DPYSL5: variants seen among roughly 807,000 people sequenced by gnomAD.
The protein encoded by DPYSL5 is dihydropyrimidinase like 5, also known as dihydropyrimidinase-related protein 5.
In DPYSL5, 9 loss-of-function variants were observed where a neutral mutation model predicts 58.4. The ratio of observed to expected loss-of-function variants is 0.15; its 90% CI spans 0.09 to 0.27. The LOEUF is 0.27. DPYSL5 is among the 10% of genes least tolerant of loss of function. The pLI is 1.00. For missense variants in DPYSL5, 499 were observed against 770.6 expected, an observed-to-expected ratio of 0.65 and a Z score of 4.17; for synonymous variants, 293 against 301.9, an observed-to-expected ratio of 0.97 and a Z score of 0.31.
At chr2:26,939,705 A>G (rs1422413669) in intron 8 of DPYSL5, 2 of 268,026 alleles carry the variant, frequency 7.5e-6, no homozygotes, top group South Asian at 5.5e-5. Flanking sequence ...CCATGAGAGT[A>G]GAACTACCTC....
At chr2:26,857,489 G>A (rs58323894) in intron 1 of DPYSL5, among the ~76,000 whole-genome samples, 2,398 of 151,682 alleles carry the variant, frequency 0.016, 69 homozygotes, top group African/African-American at 0.055. Flanking sequence ...GCAGTGAGCC[G>A]AGATTGCTCC....
intron 1 of DPYSL5, among the ~76,000 whole-genome samples, chr2:26,858,713 G>A (rs1665939333): frequency 6.7e-6 from 1 of 149,764 alleles, no homozygotes; most frequent in African/African-American, 2.5e-5. Flanking sequence ...ACAGGTGCAG[G>A]TGGATGCCAC....
At chr2:26,922,292 C>T (rs1353232317) in intron 2 of DPYSL5, among the ~76,000 whole-genome samples, 6 of 152,172 alleles carry the variant, frequency 3.9e-5, no homozygotes, top group Admixed American at 2.6e-4. Flanking sequence ...TCAGGATAGG[C>T]GCGTGTGGGC....
chr2:26,907,334 GA>G (rs1664321953), intron 2 of DPYSL5, among the ~76,000 whole-genome samples: 1 of 151,798 alleles, frequency 6.6e-6, no homozygotes, highest in East Asian at 1.9e-4. Flanking sequence ...GGCTAGTCTC[GA>G]ACTCCTGACC....
chr2:26,928,290 C>T lies in DPYSL5; in HGVS notation c.636C>T (p.Gly212=), dbSNP rs138085034. Residue 212 remains glycine, a synonymous_variant, in exon 5 of 13, where the codon GGC becomes GGT. Coordinates refer to ENST00000288699, the MANE Select transcript of DPYSL5 (RefSeq NM_020134.4). ...AGGCACTGGATTTGGGGATCACAGG[C>T]CCAGAAGGAATCGAGATCAGCCGTC... ...AKEALDLGIT[G]PEGIEISRPE... 657 of 1,613,924 alleles carry T rather than the reference C, an allele frequency of 4.1e-4. 1 individual carries two copies. The African/African-American group carries it at 8.0e-3, about 20-fold the overall frequency.
intron 1 of DPYSL5, among the ~76,000 whole-genome samples, chr2:26,885,091 C>G (rs1415311119): frequency 6.6e-6 from 1 of 151,928 alleles, no homozygotes; most frequent in African/African-American, 2.4e-5. Flanking sequence ...CCCAGCTACT[C>G]GGGAGGCTGA....
chr2:26,936,338 T>C (rs930833404), intron 8 of DPYSL5, among the ~76,000 whole-genome samples: 1 of 152,188 alleles, frequency 6.6e-6, no homozygotes, highest in African/African-American at 2.4e-5. Context: ...CTCATCCATG[T>C]CCTTAGCTTT....
chr2:26,899,359 A>C (rs1664095760), intron 2 of DPYSL5, among the ~76,000 whole-genome samples: 1 of 152,182 alleles, frequency 6.6e-6, no homozygotes, highest in Non-Finnish European at 1.5e-5. Context: ...AATTCAGAAG[A>C]AAAATTAGGA....
rs1181345891 is a variant in DPYSL5, at chr2:26,877,878, T to G, written c.-4-20618T>G. 6.6e-6 allele frequency among the ~76,000 whole-genome samples: 1 copy of G among 152,270 alleles called. No homozygotes were observed. The highest frequency in any genetic ancestry group is 1.5e-5 in the Non-Finnish European group (1 of 68,046). On this transcript the variant is annotated intron_variant, in intron 1 of 12. Transcript: ENST00000288699. This position sits in a 1 kb window ranked among gnomAD's most constrained non-coding sequence, Gnocchi z 4.1. ...GATCTACAGAATCCTTTTCAATGGC[T>G]GCACAGCCCTCTATTGTGTGAATAT... is the stretch of plus-strand genomic sequence containing the variant.
rs1194650799 is a variant in DPYSL5, at chr2:26,849,196, C to T, written c.-5+942C>T. On this transcript the variant is annotated intron_variant, in intron 1 of 12. Transcript: ENST00000288699. The surrounding 1 kb of genome is among the most constrained non-coding windows in gnomAD (Gnocchi z 6.2). ...GAAGGAGCTCGGTGCAGGTGGCGCCCGGCGAGGCTGGTTCTGCTGAAGAAT... is the reference window on the plus strand; with the variant it reads ...GAAGGAGCTCGGTGCAGGTGGCGCCTGGCGAGGCTGGTTCTGCTGAAGAAT... Among the ~76,000 whole-genome samples the T allele has an allele frequency of 2.7e-5, 4 of 150,466 alleles. No homozygotes were observed. The highest frequency in any genetic ancestry group is 1.3e-4 in the Admixed American group (2 of 15,134).
At chr2:26,858,417 C>T (rs1276128630) in intron 1 of DPYSL5, among the ~76,000 whole-genome samples, 1 of 152,068 alleles carries the variant, frequency 6.6e-6, no homozygotes, top group Admixed American at 6.6e-5. Flanking sequence ...GTGATCTGCC[C>T]GCCTCGGCCT....
chr2:26,870,080 TA>T (rs748744012), intron 1 of DPYSL5, among the ~76,000 whole-genome samples: 9 of 152,240 alleles, frequency 5.9e-5, no homozygotes, highest in Non-Finnish European at 1.0e-4. Context: ...TTTTCTATCT[TA>T]CTGCGTTTTC....
chr2:26,942,718 A>G lies in DPYSL5; in HGVS notation c.1408A>G (p.Thr470Ala). The G allele has an allele frequency of 6.2e-7, 1 of 1,614,104 alleles. No homozygotes were observed. The highest frequency in any genetic ancestry group is 1.3e-5 in the African/African-American group (1 of 75,056). Residue 470 changes from threonine (T) to alanine (A), a missense_variant, in exon 11 of 13, where the codon ACT becomes GCT. Transcript: ENST00000288699. This position sits in a 1 kb window ranked among gnomAD's most constrained non-coding sequence, Gnocchi z 5.9. ...CTGTCCCCTGAGGTCCTTCCCAGAC[A>G]CTGTCTACAAGAAGCTGGTCCAGAG... ...KFCPLRSFPD[T>A]VYKKLVQREK...
chr2:26,884,830 A>G (rs1351823525), intron 1 of DPYSL5, among the ~76,000 whole-genome samples: 2 of 152,292 alleles, frequency 1.3e-5, no homozygotes, highest in East Asian at 3.9e-4. Flanking sequence ...CCTTCCCAGA[A>G]GCTATTTGTT....
chr2:26,931,187 G>GTA (rs1664970603), intron 5 of DPYSL5, among the ~76,000 whole-genome samples: 3 of 61,908 alleles, frequency 4.8e-5, no homozygotes, highest in South Asian at 1.4e-3. Context: ...GTGTGTGTGT[G>GTA]TGTGTGTGTG....
At chr2:26,945,372 C>T (rs1320320018) in intron 12 of DPYSL5, among the ~76,000 whole-genome samples, 4 of 151,016 alleles carry the variant, frequency 2.6e-5, no homozygotes, top group South Asian at 2.1e-4. Flanking sequence ...TATTTTCTCT[C>T]GACTTCTGAT....
In DPYSL5 at chr2:26,927,352, C is replaced by T. The variant is rs1430064105; in HGVS notation, c.520C>T (p.Leu174=). 1 of 1,614,250 alleles carries T rather than the reference C, an allele frequency of 6.2e-7. No individual in the cohort carries two copies. The change falls in exon 4 of 13, where the codon CTG becomes TTG. Residue 174 remains leucine, a synonymous_variant. Transcript: ENST00000288699. The surrounding 1 kb of genome is among the most constrained non-coding windows in gnomAD (Gnocchi z 4.3). ...KDLYMLRDSE[L]YQVLHACKDI... is the part of the protein sequence containing the mutation. ...CCTGTACATGCTTCGAGACAGTGAGCTGTACCAAGTGTTGCACGCTTGCAA... is the reference window on the plus strand; with the variant it reads ...CCTGTACATGCTTCGAGACAGTGAGTTGTACCAAGTGTTGCACGCTTGCAA...
chr2:26,907,875 T>C (rs1423880462), intron 2 of DPYSL5, among the ~76,000 whole-genome samples: 4 of 152,204 alleles, frequency 2.6e-5, no homozygotes, highest in Admixed American at 1.3e-4. Context: ...ACGATTTAAC[T>C]TGTGACTAGC....
At chr2:26,878,095 C>T (rs1038302697) in intron 1 of DPYSL5, among the ~76,000 whole-genome samples, 1 of 152,216 alleles carries the variant, frequency 6.6e-6, no homozygotes, top group African/African-American at 2.4e-5. Context: ...GTTCAGATTT[C>T]CTTCTGGTGA....
Sources: allele counts gnomAD v4.1 joint callset (sites outside exome capture counted in the v4.1 genomes callset), GRCh38; gene constraint gnomAD v4.1.1; non-coding constraint Gnocchi (gnomAD v3.1); transcripts MANE v1.5; gene names NCBI Gene and HGNC (gene_info 2026-07-23, HGNC 2026-07-21).